Variants in KMT2C observed in about 807,000 individuals in gnomAD.
The protein encoded by KMT2C is lysine methyltransferase 2C, also known as histone-lysine N-methyltransferase 2C.
KMT2C carries 88 observed loss-of-function variants against 507.9 expected under a neutral mutation model. That is an observed-to-expected ratio of 0.17 (90% CI 0.15 to 0.21). KMT2C has a LOEUF of 0.21. Ranked by LOEUF, KMT2C falls within the 10% of genes least tolerant of loss-of-function variation. The probability of loss-of-function intolerance (pLI) is 1.00; values close to 1 mark genes in which losing one functional copy is unlikely to be tolerated. For missense variants in KMT2C, 4,954 were observed against 5,957.8 expected (o/e 0.83, Z 5.55); for synonymous variants, 2,049 against 2,080.8 (o/e 0.98, Z 0.42).
chr7:152,183,679 C>A (rs1006469082), intron 34 of KMT2C, among the ~76,000 whole-genome samples: 4 of 152,030 alleles, frequency 2.6e-5, no homozygotes, highest in Non-Finnish European at 5.9e-5. Flanking sequence ...GGTGGATCAC[C>A]TGAGGTCGGG....
chr7:152,280,762 T>C (rs771639705), intron 6 of KMT2C, among the ~76,000 whole-genome samples: 5 of 152,222 alleles, frequency 3.3e-5, no homozygotes, highest in African/African-American at 7.2e-5. Flanking sequence ...TTTATGGTAA[T>C]TGCTTTATTG....
At chr7:152,198,241 G>A (rs1029342585) in intron 27 of KMT2C, among the ~76,000 whole-genome samples, 2 of 152,186 alleles carry the variant, frequency 1.3e-5, no homozygotes, top group Non-Finnish European at 2.9e-5. Context: ...TACCAACAAT[G>A]AGGCAGACTG....
chr7:152,365,549 CCTT>C (rs1405884630), intron 1 of KMT2C, among the ~76,000 whole-genome samples: 3 of 152,286 alleles, frequency 2.0e-5, no homozygotes, highest in Admixed American at 6.5e-5. Flanking sequence ...AAAACTTCCT[CCTT>C]TTTTCTTTTC....
intron 1 of KMT2C, among the ~76,000 whole-genome samples, chr7:152,434,874 T>C (rs1416410600): frequency 1.3e-5 from 2 of 152,098 alleles, no homozygotes; most frequent in African/African-American, 4.8e-5. Flanking sequence ...ATCTGCACTC[T>C]CTCCGAATAA....
At chr7:152,417,941 CTCTT>C (rs2097755803) in intron 1 of KMT2C, among the ~76,000 whole-genome samples, 1 of 131,624 alleles carries the variant, frequency 7.6e-6, no homozygotes, top group South Asian at 2.6e-4. Flanking sequence ...CGCGCCCACC[CTCTT>C]TCTTTTAAAA....
intron 4 of KMT2C, among the ~76,000 whole-genome samples, chr7:152,314,157 G>T (rs1466354984): frequency 1.3e-5 from 2 of 152,090 alleles, no homozygotes; most frequent in Admixed American, 6.5e-5. Context: ...TCTTTTAAAA[G>T]ATTCTCCCTC....
At chr7:152,269,104 A>G (rs1048423944) in intron 7 of KMT2C, among the ~76,000 whole-genome samples, 3 of 152,236 alleles carry the variant, frequency 2.0e-5, no homozygotes, top group Non-Finnish European at 4.4e-5. Context: ...TTGTATTTAT[A>G]CTGCACAGCA....
At chr7:152,172,849 A>T (rs1360848468) in intron 39 of KMT2C, among the ~76,000 whole-genome samples, 1 of 152,216 alleles carries the variant, frequency 6.6e-6, no homozygotes, top group Non-Finnish European at 1.5e-5. Context: ...TAGATTAGTT[A>T]TGTTCATCAT....
chr7:152,330,160 G>A (rs1242120560), intron 3 of KMT2C, among the ~76,000 whole-genome samples: 1 of 124,634 alleles, frequency 8.0e-6, no homozygotes, highest in African/African-American at 2.9e-5. Context: ...GGGAGGGGGG[G>A]AGGGGTGGTG....
intron 6 of KMT2C, among the ~76,000 whole-genome samples, chr7:152,294,616 A>G (rs1273500318): frequency 1.3e-5 from 2 of 151,966 alleles, no homozygotes; most frequent in African/African-American, 4.8e-5. Context: ...TGAGCAACAC[A>G]GCAAGATCCC....
chr7:152,236,151 G>C (rs1183332335), intron 15 of KMT2C, among the ~76,000 whole-genome samples: 1 of 152,198 alleles, frequency 6.6e-6, no homozygotes, highest in African/African-American at 2.4e-5. Flanking sequence ...CATACCTTAG[G>C]CCTGTCACTG....
At chr7:152,149,479 A>C (rs1277498327) in intron 51 of KMT2C, among the ~76,000 whole-genome samples, 2 of 152,182 alleles carry the variant, frequency 1.3e-5, no homozygotes, top group African/African-American at 4.8e-5. Context: ...AAAAAGAAAA[A>C]ACACACACAC....
At chr7:152,218,230 T>C (rs1020142698) in intron 23 of KMT2C, among the ~76,000 whole-genome samples, 1 of 152,160 alleles carries the variant, frequency 6.6e-6, no homozygotes. Context: ...AGTGGCTCGA[T>C]CTTGGCTCAC....
chr7:152,144,453 G>A lies in KMT2C; in HGVS notation c.14343+260C>T, dbSNP rs2090912801. Among the ~76,000 whole-genome samples, 1 of 152,178 alleles carries A rather than the reference G, an allele frequency of 6.6e-6. No individual in the cohort carries two copies. Among genetic ancestry groups the A allele is most frequent in the South Asian group, 2.1e-4 (1 of 4,830 alleles). On this transcript the variant is annotated intron_variant, in intron 55 of 58. Transcript: ENST00000262189. The surrounding 1 kb of genome is among the most constrained non-coding windows in gnomAD (Gnocchi z 4.4). Reference sequence around the variant, plus strand: ...GTGTGTGCAAATTACAATGCTACCTGCCTCCCAGGAGCTCTCAACAAGATG... The same window carrying A: ...GTGTGTGCAAATTACAATGCTACCTACCTCCCAGGAGCTCTCAACAAGATG...
At chr7:152,216,211 A>G (rs1052416724) in intron 23 of KMT2C, among the ~76,000 whole-genome samples, 2 of 152,142 alleles carry the variant, frequency 1.3e-5, no homozygotes, top group African/African-American at 4.8e-5. Context: ...GTGTTATTTT[A>G]TTGAGGTATG....
chr7:152,282,690 T>C (rs1017983126), intron 6 of KMT2C, among the ~76,000 whole-genome samples: 1 of 152,096 alleles, frequency 6.6e-6, no homozygotes, highest in African/African-American at 2.4e-5. Context: ...GAGTTAGGAA[T>C]AGTAACCAAC....
intron 23 of KMT2C, among the ~76,000 whole-genome samples, chr7:152,213,461 G>A (rs1039967784): frequency 1.3e-5 from 2 of 152,062 alleles, no homozygotes; most frequent in Admixed American, 1.3e-4. Context: ...ATACAATAGG[G>A]AAAAGATGGT....
intron 2 of KMT2C, among the ~76,000 whole-genome samples, chr7:152,352,638 A>G (rs1038783295): frequency 6.6e-6 from 1 of 152,196 alleles, no homozygotes; most frequent in African/African-American, 2.4e-5. Context: ...AAAAGAACCT[A>G]CGTGAATTAT....
Position 152,337,151 on chromosome 7 carries a change from AC to A in KMT2C, c.251-6413del, listed in dbSNP as rs1231939381. 5.3e-5 allele frequency among the ~76,000 whole-genome samples: 8 copies of A among 152,156 alleles called. No homozygotes were observed. The East Asian group carries it at 1.5e-3, about 29-fold the overall frequency. On this transcript the variant is annotated intron_variant, in intron 2 of 58. Coordinates refer to ENST00000262189, the MANE Select transcript of KMT2C (RefSeq NM_170606.3). ...CGGCCTTGGTGGCACACACCAGTAG[AC>A]CCAGCTATTCAGGAGGCTGAGGTGG...
Sources: gnomAD v4.1 joint callset for allele counts (sites outside exome capture counted in the v4.1 genomes callset) on GRCh38, gnomAD v4.1.1 for gene constraint, Gnocchi (gnomAD v3.1) non-coding constraint, MANE v1.5 for transcripts, NCBI Gene and HGNC (gene_info 2026-07-23, HGNC 2026-07-21) for gene names.